The following ROBO1 variants were observed in gnomAD, a reference collection of about 807,000 sequenced individuals.
The protein encoded by ROBO1 is roundabout homolog 1.
Under a neutral mutation model 195.9 loss-of-function variants are expected in ROBO1, and 149 were observed. The observed-to-expected ratio is 0.76, with a 90% CI of 0.67 to 0.87. The LOEUF is 0.87. Among genes scored for constraint, ROBO1 ranks in the 40% least tolerant of loss-of-function variants. ROBO1 has a pLI of 0.00. For synonymous variants in ROBO1, 816 were observed against 733.2 expected, an observed-to-expected ratio of 1.11 and a Z score of -1.82; for missense variants, 1,933 against 2,068.3, an observed-to-expected ratio of 0.93 and a Z score of 1.27.
intron 2 of ROBO1, among the ~76,000 whole-genome samples, chr3:79,274,461 G>A (rs1397675970): frequency 6.6e-6 from 1 of 151,860 alleles, no homozygotes; most frequent in Non-Finnish European, 1.5e-5. Flanking sequence ...AATGATAATG[G>A]AAACACAGCA....
At chr3:79,508,125 G>A (rs1381401872) in intron 2 of ROBO1, among the ~76,000 whole-genome samples, 2 of 152,008 alleles carry the variant, frequency 1.3e-5, no homozygotes, top group African/African-American at 2.4e-5. Flanking sequence ...GCTTGGGGAG[G>A]AATAGCATTA....
intron 2 of ROBO1, among the ~76,000 whole-genome samples, chr3:79,328,662 T>A (rs2034313487): frequency 1.3e-5 from 2 of 151,982 alleles, no homozygotes; most frequent in South Asian, 4.1e-4. Context: ...GGAACATGGG[T>A]TTTTTTGGCT....
Position 78,630,940 on chromosome 3 carries a change from C to A in ROBO1, c.3626+221G>T, listed in dbSNP as rs551380243. ...AGCTAATATGTATCATTTTTATATTCCATTCTAAGTTCCAAAAGAATCTTT... is the reference window on the plus strand; with the variant it reads ...AGCTAATATGTATCATTTTTATATTACATTCTAAGTTCCAAAAGAATCTTT... On this transcript the variant is annotated intron_variant, in intron 25 of 30. Coordinates refer to ENST00000464233, the MANE Select transcript of ROBO1 (RefSeq NM_002941.4). 2.0e-5 allele frequency among the ~76,000 whole-genome samples: 3 copies of A among 152,276 alleles called. No homozygotes were observed. In the East Asian group the frequency reaches 5.8e-4, roughly 29 times the overall value.
At chr3:79,497,186 T>C (rs1016462255) in intron 2 of ROBO1, among the ~76,000 whole-genome samples, 5 of 152,200 alleles carry the variant, frequency 3.3e-5, no homozygotes, top group African/African-American at 9.7e-5. Context: ...TCAGAAAAGA[T>C]TGAGAATTGT....
chr3:79,551,523 A>G (rs1317994509), intron 2 of ROBO1, among the ~76,000 whole-genome samples: 1 of 152,150 alleles, frequency 6.6e-6, no homozygotes, highest in Non-Finnish European at 1.5e-5. Context: ...ACTTTTATTT[A>G]AGAATGAAAA....
At chr3:78,995,916 G>A (rs1379537527) in intron 3 of ROBO1, among the ~76,000 whole-genome samples, 4 of 152,022 alleles carry the variant, frequency 2.6e-5, no homozygotes, top group Non-Finnish European at 4.4e-5. Flanking sequence ...TTCAGATGTG[G>A]GCATACATGA....
chr3:79,476,986 G>A (rs1938576079), intron 2 of ROBO1, among the ~76,000 whole-genome samples: 1 of 151,970 alleles, frequency 6.6e-6, no homozygotes, highest in Non-Finnish European at 1.5e-5. Context: ...TCTTGTCTAT[G>A]TTATGTAAAT....
intron 1 of ROBO1, among the ~76,000 whole-genome samples, chr3:79,669,225 T>C (rs1214197921): frequency 6.6e-6 from 1 of 151,830 alleles, no homozygotes; most frequent in East Asian, 2.0e-4. Context: ...AGTTTCCCTG[T>C]ACCAGCTCTC....
At chr3:79,241,269 A>T (rs1203357426) in intron 2 of ROBO1, among the ~76,000 whole-genome samples, 4 of 152,200 alleles carry the variant, frequency 2.6e-5, no homozygotes, top group African/African-American at 9.7e-5. Context: ...TAATTACTAG[A>T]AACAGACTAG....
chr3:78,773,481 G>T (rs958750323), intron 4 of ROBO1, among the ~76,000 whole-genome samples: 4 of 152,054 alleles, frequency 2.6e-5, no homozygotes, highest in African/African-American at 9.7e-5. Context: ...TGATTAAACT[G>T]TTGCCTAAAA....
chr3:79,510,767 T>C (rs1940662593), intron 2 of ROBO1, among the ~76,000 whole-genome samples: 3 of 152,140 alleles, frequency 2.0e-5, no homozygotes, highest in Non-Finnish European at 4.4e-5. Flanking sequence ...TATTCTTGGC[T>C]CAATACAAAG....
At chr3:78,913,035 C>T (rs550315315) in intron 4 of ROBO1, among the ~76,000 whole-genome samples, 13 of 152,048 alleles carry the variant, frequency 8.5e-5, no homozygotes, top group Admixed American at 2.6e-4. Context: ...TTTTTTGTTA[C>T]GACAGCTGAA....
intron 3 of ROBO1, among the ~76,000 whole-genome samples, chr3:79,063,922 C>T (rs1225584860): frequency 6.6e-6 from 1 of 151,738 alleles, no homozygotes; most frequent in Non-Finnish European, 1.5e-5. Context: ...AGAATAGAGG[C>T]CACCAGAGGC....
At chr3:79,632,345 G>C (rs1003645672) in intron 1 of ROBO1, among the ~76,000 whole-genome samples, 8 of 152,140 alleles carry the variant, frequency 5.3e-5, no homozygotes, top group African/African-American at 1.9e-4. Context: ...GGATGGAGCT[G>C]GTGGTCATTA....
At chr3:78,665,477 T>A (rs1042641405) in intron 14 of ROBO1, among the ~76,000 whole-genome samples, 1 of 152,178 alleles carries the variant, frequency 6.6e-6, no homozygotes, top group Non-Finnish European at 1.5e-5. Flanking sequence ...ACTTTAATAG[T>A]TAGCACTCTC....
At chr3:79,750,893 G>A (rs1459054690) in intron 1 of ROBO1, among the ~76,000 whole-genome samples, 5 of 152,062 alleles carry the variant, frequency 3.3e-5, no homozygotes, top group Admixed American at 2.0e-4. Context: ...GTCACTTGCA[G>A]GTATTATGAA....
chr3:78,903,869 T>C (rs968807609), intron 4 of ROBO1, among the ~76,000 whole-genome samples: 1 of 152,096 alleles, frequency 6.6e-6, no homozygotes, highest in African/African-American at 2.4e-5. Flanking sequence ...GACCACACTG[T>C]CTTGGTACAA....
At chr3:79,440,293 C>T (rs548403922) in intron 2 of ROBO1, among the ~76,000 whole-genome samples, 1 of 152,024 alleles carries the variant, frequency 6.6e-6, no homozygotes, top group African/African-American at 2.4e-5. Flanking sequence ...TATCTCACCA[C>T]CCCTATCCCT....
At chr3:79,372,199 C>T (rs2109341467) in intron 2 of ROBO1, among the ~76,000 whole-genome samples, 1 of 116,500 alleles carries the variant, frequency 8.6e-6, no homozygotes, top group South Asian at 3.0e-4. Flanking sequence ...CCTGTTCTAG[C>T]ATTCTTTTTT....
Sources: allele counts gnomAD v4.1 joint callset (sites outside exome capture counted in the v4.1 genomes callset), GRCh38; gene constraint gnomAD v4.1.1; transcripts MANE v1.5; gene names NCBI Gene and HGNC (gene_info 2026-07-23, HGNC 2026-07-21).